CIT: variants seen among roughly 807,000 people sequenced by gnomAD.
CIT encodes the protein citron Rho-interacting kinase.
Under a neutral mutation model 272.7 loss-of-function variants are expected in CIT, and 79 were observed. That is an observed-to-expected ratio of 0.29 (90% CI 0.24 to 0.35). The LOEUF is 0.35. Ranked by LOEUF, CIT falls within the 10% of genes least tolerant of loss-of-function variation. The pLI is 1.00. For synonymous variants in CIT, 948 were observed against 995.6 expected, an observed-to-expected ratio of 0.95 and a Z score of 0.90; for missense variants, 1,909 against 2,618.3, an observed-to-expected ratio of 0.73 and a Z score of 5.91.
At position 119,785,080 on chromosome 12, in the gene CIT, A is replaced by T. The variant is rs779850459; in HGVS notation, c.1296-15T>A. 12 of 1,613,188 alleles carry T rather than the reference A, an allele frequency of 7.4e-6. No homozygotes were observed. The highest frequency in any genetic ancestry group is 1.0e-5 in the Non-Finnish European group (12 of 1,179,732). On this transcript the variant is annotated splice_polypyrimidine_tract_variant and intron_variant, in intron 10 of 47. Transcript: ENST00000392521. ...ACACAACAGACCTAGGTAGAGAAAA[A>T]CCAACGTCAAGGGGGCCTGCAGGTG... is the stretch of plus-strand genomic sequence containing the variant.
At position 119,804,533 on chromosome 12, in the gene CIT, G is replaced by C; in HGVS notation, c.1112-1144C>G. On this transcript the variant is annotated intron_variant, in intron 9 of 47. Transcript: ENST00000392521. This position sits in a 1 kb window ranked among gnomAD's most constrained non-coding sequence, Gnocchi z 5.3. ...TCACTGCCCGCCAGGGCTCGCTAGA[G>C]CTCCCCCTAGGACAGTTGTCACAGC... 1 of 972,076 alleles carries C rather than the reference G, an allele frequency of 1.0e-6. No homozygotes were observed. The highest frequency in any genetic ancestry group is 1.2e-6 in the Non-Finnish European group (1 of 817,706). 60.2% of individuals were successfully genotyped at this position (972,076 alleles called of 1,614,324 possible). A position where few individuals can be genotyped will look rare whatever the true frequency, so the allele number is the denominator to read the frequency against.
rs766445204 is a variant in CIT at position 119,690,286 on chromosome 12, G to T, written c.6051C>A (p.Pro2017=). 18 of 1,584,832 alleles carry T rather than the reference G, an allele frequency of 1.1e-5. No homozygotes were observed. The Admixed American group carries it at 3.1e-4, about 27-fold the overall frequency. ...ELRRDKSPGR[P]LEREKSPGRM... ...GGCCGGGGGACTTCTCTCGCTCCAG[G>T]GGGCGGCCAGGAGACTTGTCCCTGC... is the stretch of plus-strand genomic sequence containing the variant. Residue 2017 remains proline (P), a synonymous_variant, in exon 47 of 48, where the codon CCC becomes CCA. Transcript: ENST00000392521. This position sits in a 1 kb window ranked among gnomAD's most constrained non-coding sequence, Gnocchi z 6.0.
At chr12:119,875,919 C>T (rs1164684542) in intron 2 of CIT, among the ~76,000 whole-genome samples, 154 bp downstream of exon 2, 4 of 152,076 alleles carry the variant, frequency 2.6e-5, no homozygotes, top group Admixed American at 1.3e-4. Flanking sequence ...ACCCAGGAGG[C>T]GGAGGTTGCA....
intron 26 of CIT, 113 bp downstream of exon 26, chr12:119,734,051 A>T (rs1194707511): frequency 9.3e-6 from 11 of 1,178,824 alleles, no homozygotes; most frequent in Non-Finnish European, 3.6e-6. Context: ...GAGGCTTGTG[A>T]CCCAGGAAAC....
chr12:119,814,069 C>T (rs554217097), intron 9 of CIT, among the ~76,000 whole-genome samples: 2 of 152,258 alleles, frequency 1.3e-5, no homozygotes, highest in Admixed American at 6.5e-5. Context: ...CTTTATTTCC[C>T]TATCCTCATA....
chr12:119,761,198 G>A, intron 19 of CIT, 143 bp from the exon 20 acceptor site: 7 of 701,140 alleles, frequency 1.0e-5, no homozygotes, highest in African/African-American at 3.6e-5. Context: ...GCAAAGAGAA[G>A]GCAAAAACTG....
chr12:119,844,504 T>C (rs895407723), intron 5 of CIT, among the ~76,000 whole-genome samples: 2 of 152,158 alleles, frequency 1.3e-5, no homozygotes, highest in Non-Finnish European at 2.9e-5. Context: ...AATCAGGTTT[T>C]GCTGATAAAC....
intron 9 of CIT, among the ~76,000 whole-genome samples, chr12:119,813,578 T>C (rs1966883628): frequency 6.6e-6 from 1 of 152,166 alleles, no homozygotes; most frequent in Non-Finnish European, 1.5e-5. Context: ...ATTTCCACAT[T>C]TGCTTGGTTG....
chr12:119,849,514 T>A (rs537483754), intron 5 of CIT, among the ~76,000 whole-genome samples: 1 of 152,298 alleles, frequency 6.6e-6, no homozygotes, highest in South Asian at 2.1e-4. Flanking sequence ...ATAACAACCA[T>A]GCACTATTAT....
intron 10 of CIT, among the ~76,000 whole-genome samples, chr12:119,792,025 A>C (rs983050109): frequency 6.6e-6 from 1 of 152,240 alleles, no homozygotes; most frequent in Non-Finnish European, 1.5e-5. Context: ...ACTTTGTTAA[A>C]AAAAATTACT....
chr12:119,714,117 A>G, intron 33 of CIT, 80 bp downstream of exon 33: 1 of 1,546,630 alleles, frequency 6.5e-7, no homozygotes, highest in African/African-American at 1.4e-5. Context: ...TGAGTTAGAA[A>G]AAAATCACCT....
chr12:119,719,010 G>A (rs1593466763), intron 30 of CIT, 149 bp from the exon 31 acceptor site: 2 of 766,742 alleles, frequency 2.6e-6, no homozygotes, highest in South Asian at 1.9e-5. Flanking sequence ...GTGAAGGGGG[G>A]GAAGGGTAGG....
At chr12:119,755,814 C>G (rs554801935) in intron 22 of CIT, among the ~76,000 whole-genome samples, 52 of 152,348 alleles carry the variant, frequency 3.4e-4, no homozygotes, top group African/African-American at 1.1e-3. Context: ...AACCTGGCCA[C>G]TCTTCCCAGC....
chr12:119,693,805 T>A (rs1956081834), intron 46 of CIT, among the ~76,000 whole-genome samples: 1 of 152,230 alleles, frequency 6.6e-6, no homozygotes, highest in African/African-American at 2.4e-5. Flanking sequence ...AGATTATTCA[T>A]TAGGACAGTC....
At chr12:119,799,457 C>T (rs1966003916) in intron 10 of CIT, among the ~76,000 whole-genome samples, 1 of 152,136 alleles carries the variant, frequency 6.6e-6, no homozygotes, top group South Asian at 2.1e-4. Context: ...CCAGAAAACT[C>T]GGGAAGCAAT....
intron 44 of CIT, among the ~76,000 whole-genome samples, chr12:119,698,458 T>C (rs999495333): frequency 6.6e-6 from 1 of 152,006 alleles, no homozygotes; most frequent in African/African-American, 2.4e-5. Context: ...GGCATGGTGG[T>C]GTACACCTGT....
intron 2 of CIT, among the ~76,000 whole-genome samples, chr12:119,870,275 A>G (rs74424290): frequency 0.063 from 9,530 of 152,178 alleles, 1,039 homozygotes; most frequent in African/African-American, 0.22. Flanking sequence ...AAGCGGCCAG[A>G]CACGGTGGCT....
In CIT at chr12:119,735,170, C is replaced by T. The variant is rs1274472879; in HGVS notation, c.3146G>A (p.Ser1049Asn). 2.5e-6 allele frequency: 4 copies of T among 1,613,892 alleles called. No individual in the cohort carries two copies. The Admixed American group carries it at 6.7e-5, about 27-fold the overall frequency. ...EITEREMQLT[S>N]QKQTMEALKT... is the part of the protein sequence containing the mutation. ...GTTAACCCTCCTTACTTGCTTCTGG[C>T]TGGTAAGCTGCATCTCTCGTTCCGT... The change falls in exon 25 of 48, where the codon AGC (serine) becomes AAC (asparagine). Residue 1049 changes from serine (S) to asparagine (N), a missense_variant. Around this residue, in one of 8 missense-constraint regions of CIT, gnomAD observed 530 missense variants for 822.4 expected, o/e 0.64. Coordinates refer to ENST00000392521, the MANE Select transcript of CIT (RefSeq NM_001206999.2).
chr12:119,720,810 T>C (rs992236849), intron 29 of CIT, among the ~76,000 whole-genome samples: 6 of 152,180 alleles, frequency 3.9e-5, no homozygotes, highest in Non-Finnish European at 7.4e-5. Context: ...ACAGGTTCCT[T>C]GTAGGTCATG....
Sources: gnomAD v4.1 joint callset for allele counts (sites outside exome capture counted in the v4.1 genomes callset) on GRCh38, gnomAD v4.1.1 for gene constraint, gnomAD v4.1.1 regional missense constraint, Gnocchi (gnomAD v3.1) non-coding constraint, MANE v1.5 for transcripts, NCBI Gene and HGNC (gene_info 2026-07-23, HGNC 2026-07-21) for gene names.